The following SEMA3E variants were observed in gnomAD, a reference collection of about 807,000 sequenced individuals.
SEMA3E encodes the protein semaphorin 3E, also known as semaphorin-3E.
In SEMA3E, 49 loss-of-function variants were observed where a neutral mutation model predicts 93.6. The observed-to-expected ratio is 0.52, with a 90% CI of 0.42 to 0.66. SEMA3E has a LOEUF of 0.66. SEMA3E is among the 30% of genes least tolerant of loss of function. SEMA3E has a pLI of 0.00. For missense variants in SEMA3E, 906 were observed against 964.8 expected (o/e 0.94, Z 0.81); for synonymous variants, 363 against 330.7 (o/e 1.10, Z -1.06).
chr7:83,489,539 TTA>T (rs375665081), intron 2 of SEMA3E, among the ~76,000 whole-genome samples: 1 of 152,226 alleles, frequency 6.6e-6, no homozygotes, highest in Non-Finnish European at 1.5e-5. Context: ...TGTGTAAGAT[TTA>T]TATGAGTCTA....
At chr7:83,520,621 C>T (rs1791023667) in intron 1 of SEMA3E, among the ~76,000 whole-genome samples, 1 of 152,116 alleles carries the variant, frequency 6.6e-6, no homozygotes, top group South Asian at 2.1e-4. Context: ...CAAAACCCAC[C>T]TCTATCATCA....
intron 1 of SEMA3E, among the ~76,000 whole-genome samples, chr7:83,616,111 A>G (rs1793362647): frequency 3.3e-5 from 5 of 152,152 alleles, no homozygotes; most frequent in Admixed American, 1.3e-4. Flanking sequence ...TGTGATTTCA[A>G]TAATTATGTT....
At chr7:83,381,113 C>A (rs776296860) in intron 16 of SEMA3E, among the ~76,000 whole-genome samples, 1 of 151,930 alleles carries the variant, frequency 6.6e-6, no homozygotes, top group African/African-American at 2.4e-5. Context: ...ATACAATAAC[C>A]AAAGTGATCT....
At chr7:83,603,510 T>C (rs934275903) in intron 1 of SEMA3E, among the ~76,000 whole-genome samples, 2 of 152,152 alleles carry the variant, frequency 1.3e-5, no homozygotes, top group African/African-American at 4.8e-5. Context: ...AATTCATAAC[T>C]TTAAATATAG....
At chr7:83,524,856 C>T (rs1457204325) in intron 1 of SEMA3E, among the ~76,000 whole-genome samples, 1 of 151,776 alleles carries the variant, frequency 6.6e-6, no homozygotes, top group Non-Finnish European at 1.5e-5. Context: ...TCTCCTGGAG[C>T]CTCTGCTTGG....
Position 83,460,153 on chromosome 7 carries a change from C to G in SEMA3E, c.456+6329G>C, listed in dbSNP as rs149801612. 7.7e-3 allele frequency among the ~76,000 whole-genome samples: 1,175 copies of G among 152,306 alleles called. 13 individuals carry two copies. The highest frequency in any genetic ancestry group is 0.025 in the African/African-American group (1,059 of 41,566). On this transcript the variant is annotated intron_variant, in intron 4 of 16. Coordinates refer to ENST00000643230, the MANE Select transcript of SEMA3E (RefSeq NM_012431.3). ...CCGTGATTCAGATCGGGGGACCTCC[C>G]TTGGGAGATCAATTCCCTGTCCTCC...
intron 5 of SEMA3E, among the ~76,000 whole-genome samples, chr7:83,416,236 C>A (rs1346295159): frequency 1.3e-5 from 2 of 151,898 alleles, no homozygotes; most frequent in Non-Finnish European, 2.9e-5. Flanking sequence ...TATTCTATAA[C>A]TTTTGTGTTT....
intron 1 of SEMA3E, among the ~76,000 whole-genome samples, chr7:83,570,213 G>A (rs1792244421): frequency 6.6e-6 from 1 of 152,132 alleles, no homozygotes; most frequent in Non-Finnish European, 1.5e-5. Flanking sequence ...TTGGGATGCA[G>A]CTAACGCAGC....
chr7:83,618,309 C>A (rs1299749735), intron 1 of SEMA3E, among the ~76,000 whole-genome samples: 1 of 152,186 alleles, frequency 6.6e-6, no homozygotes, highest in East Asian at 1.9e-4. Flanking sequence ...GAGGTTTAAA[C>A]TCAGGTTTCT....
At chr7:83,405,693 T>C (rs920774021) in intron 8 of SEMA3E, among the ~76,000 whole-genome samples, 174 bp from the exon 9 acceptor site, 2 of 152,106 alleles carry the variant, frequency 1.3e-5, no homozygotes, top group African/African-American at 2.4e-5. Flanking sequence ...TCAGCTATTC[T>C]GGGTGGCCTT....
At chr7:83,559,572 A>G (rs1791985839) in intron 1 of SEMA3E, among the ~76,000 whole-genome samples, 1 of 151,918 alleles carries the variant, frequency 6.6e-6, no homozygotes, top group Admixed American at 6.6e-5. Flanking sequence ...GACAATATCA[A>G]ATGCTGGTGA....
intron 4 of SEMA3E, among the ~76,000 whole-genome samples, chr7:83,439,534 T>C (rs1413393217): frequency 6.6e-6 from 1 of 152,232 alleles, no homozygotes; most frequent in African/African-American, 2.4e-5. Context: ...TAGTGTACTA[T>C]TCTTATACAG....
At chr7:83,407,355 A>G in intron 6 of SEMA3E, 116 bp from the exon 7 acceptor site, 1 of 913,300 alleles carries the variant, frequency 1.1e-6, no homozygotes, top group Non-Finnish European at 1.7e-6. Flanking sequence ...TCACCATTTC[A>G]TAAAGAAATA....
chr7:83,595,137 T>C (rs929075170), intron 1 of SEMA3E, among the ~76,000 whole-genome samples: 4 of 152,052 alleles, frequency 2.6e-5, no homozygotes, highest in African/African-American at 9.7e-5. Flanking sequence ...CATGTTTGAA[T>C]GACATCTTGA....
chr7:83,624,028 T>C (rs1186993377), intron 1 of SEMA3E, among the ~76,000 whole-genome samples: 1 of 152,204 alleles, frequency 6.6e-6, no homozygotes, highest in Non-Finnish European at 1.5e-5. Context: ...TCTAGCTTCA[T>C]CCATGTCCCT....
chr7:83,600,859 G>A (rs190420544), intron 1 of SEMA3E, among the ~76,000 whole-genome samples: 1 of 152,122 alleles, frequency 6.6e-6, no homozygotes, highest in Non-Finnish European at 1.5e-5. Flanking sequence ...GAGAGTCATG[G>A]TACTTGGAAT....
At chr7:83,529,896 C>G (rs1562820755) in intron 1 of SEMA3E, among the ~76,000 whole-genome samples, 1 of 152,138 alleles carries the variant, frequency 6.6e-6, no homozygotes, top group Non-Finnish European at 1.5e-5. Context: ...TCGGATTATA[C>G]TTTCTTCTCT....
chr7:83,519,211 A>G (rs1040946833), intron 1 of SEMA3E, among the ~76,000 whole-genome samples: 12 of 151,722 alleles, frequency 7.9e-5, no homozygotes, highest in Non-Finnish European at 1.6e-4. Flanking sequence ...TATGAGTGAG[A>G]ATATGCGGTG....
At chr7:83,629,645 A>G (rs763589498) in intron 1 of SEMA3E, among the ~76,000 whole-genome samples, 14 of 152,140 alleles carry the variant, frequency 9.2e-5, no homozygotes, top group South Asian at 2.1e-4. Context: ...CCTCCCCCCA[A>G]GCTTGAGTGT....
Sources: allele counts gnomAD v4.1 joint callset (sites outside exome capture counted in the v4.1 genomes callset), GRCh38; gene constraint gnomAD v4.1.1; transcripts MANE v1.5; gene names NCBI Gene and HGNC (gene_info 2026-07-23, HGNC 2026-07-21).